The following STARD5 variants were observed in gnomAD, a reference collection of about 807,000 sequenced individuals.
STARD5 encodes the protein StAR related lipid transfer domain containing 5.
A neutral mutation model predicts 24.6 loss-of-function variants in STARD5; 26 were observed. The observed-to-expected ratio is 1.06, with a 90% confidence interval of 0.77 to 1.47. STARD5 has a LOEUF of 1.47. STARD5 is among the 40% of genes most tolerant of loss of function. The pLI is 0.00. For missense variants in STARD5, 254 were observed against 270.8 expected, an observed-to-expected ratio of 0.94 and a Z score of 0.44; for synonymous variants, 101 against 99.7, an observed-to-expected ratio of 1.01 and a Z score of -0.07.
At chr15:81,322,294 A>G (rs576279980) in intron 3 of STARD5, 114 bp downstream of exon 3, 12 of 1,395,956 alleles carry the variant, frequency 8.6e-6, no homozygotes, top group Middle Eastern at 3.7e-4. Flanking sequence ...CTGTGCTTGC[A>G]GGACACACCC....
chr15:81,310,038 T>C lies in STARD5; in HGVS notation c.*3218A>G, dbSNP rs569542306. Reference sequence around the variant, plus strand: ...GCCAAAGGGATATTTGGTTTGGCCATCTCTGGATGCCTGATTGCCAAGCTC... The same window carrying C: ...GCCAAAGGGATATTTGGTTTGGCCACCTCTGGATGCCTGATTGCCAAGCTC... On this transcript the variant is annotated 3_prime_UTR_variant, in exon 6 of 6. Coordinates refer to ENST00000302824, the MANE Select transcript of STARD5 (RefSeq NM_181900.3). 1 of 152,354 alleles carries C rather than the reference T, an allele frequency of 6.6e-6. No homozygotes were observed. Among genetic ancestry groups the C allele is most frequent in the East Asian group, 1.9e-4 (1 of 5,190 alleles). 9.4% of individuals were successfully genotyped at this position (152,354 alleles called of 1,614,324 possible).
intron 1 of STARD5, 178 bp downstream of exon 1, chr15:81,323,823 T>A: frequency 5.4e-6 from 4 of 742,176 alleles, no homozygotes; most frequent in Non-Finnish European, 9.0e-6. Flanking sequence ...ATTGTGAGCA[T>A]AACAGGCCCA....
At position 81,309,191 on chromosome 15, in the gene STARD5, A is replaced by G. The variant is rs2141654953; in HGVS notation, c.*4065T>C. ...CATTTATTTTTCTCATGAATCTGCA[A>G]TGTGGGCAGAGATTGGAATGGGCAG... On this transcript the variant is annotated 3_prime_UTR_variant, in exon 6 of 6. Transcript: ENST00000302824. 5.8e-6 allele frequency: 1 copy of G among 172,282 alleles called. No homozygotes were observed. The highest frequency in any genetic ancestry group is 2.4e-5 in the African/African-American group (1 of 42,122). 10.7% of individuals were successfully genotyped at this position (172,282 alleles called of 1,614,324 possible). A position where few individuals can be genotyped will look rare whatever the true frequency, so the allele number is the denominator to read the frequency against.
intron 5 of STARD5, 59 bp downstream of exon 5, chr15:81,318,350 C>T (rs1273463377): frequency 1.4e-6 from 2 of 1,447,966 alleles, no homozygotes; most frequent in Non-Finnish European, 1.9e-6. Flanking sequence ...ACAGAAGGTC[C>T]ACAGGGAAGT....
Position 81,318,515 on chromosome 15 carries a change from G to A in STARD5, c.401-13C>T. ...TCCACATGGGTGGCTGGAAGACAGT[G>A]CAGAATCTCGGTGAGTTACAACTTC... On this transcript the variant is annotated splice_polypyrimidine_tract_variant and intron_variant, in intron 4 of 5. Transcript: ENST00000302824. The A allele has an allele frequency of 6.2e-7, 1 of 1,612,316 alleles. No individual in the cohort carries two copies. The highest frequency in any genetic ancestry group is 8.5e-7 in the Non-Finnish European group (1 of 1,178,758).
intron 2 of STARD5, 25 bp downstream of exon 2, chr15:81,322,874 A>G (rs1220553805): frequency 6.2e-7 from 1 of 1,614,192 alleles, no homozygotes; most frequent in Non-Finnish European, 8.5e-7. Context: ...ACCTCTGGTA[A>G]TCTTTGAACG....
intron 3 of STARD5, among the ~76,000 whole-genome samples, chr15:81,319,683 G>A (rs1464789945): frequency 6.6e-6 from 1 of 152,218 alleles, no homozygotes; most frequent in Non-Finnish European, 1.5e-5. Context: ...TCTAGCTGCA[G>A]ACCAGTGCCA....
Position 81,313,020 on chromosome 15 carries a change from C to T in STARD5, c.*236G>A, listed in dbSNP as rs1008895842. 10 of 333,660 alleles carry T rather than the reference C, an allele frequency of 3.0e-5. No homozygotes were observed. Among genetic ancestry groups the T allele is most frequent in the Non-Finnish European group, 5.4e-5 (10 of 185,616 alleles). The allele number at this position is 333,660 out of a possible 1,614,324, so 20.7% of individuals were successfully genotyped here. A position where few individuals can be genotyped will look rare whatever the true frequency, so the allele number is the denominator to read the frequency against. On this transcript the variant is annotated 3_prime_UTR_variant, in exon 6 of 6. Coordinates refer to ENST00000302824, the MANE Select transcript of STARD5 (RefSeq NM_181900.3). ...TGCCAGGAGAGGCGTGTTTGGGTAA[C>T]AGGCAGATGGAGTTTGGAACACATG...
rs190994917 is a variant in STARD5 at position 81,322,627 on chromosome 15, G to A, written c.150-87C>T. The A allele has an allele frequency of 7.3e-4, 1,162 of 1,587,710 alleles. 1 individual carries two copies. Among genetic ancestry groups the A allele is most frequent in the Non-Finnish European group, 6.0e-4 (697 of 1,162,416 alleles). The stretch of plus-strand genomic sequence containing the variant: ...ATCTAAGGACTAGAAGGTGGACCAT[G>A]CCATGTCTGTCACTACTCTTTAGGA... On this transcript the variant is annotated intron_variant, in intron 2 of 5. Transcript: ENST00000302824.
intron 1 of STARD5, chr15:81,323,770 C>G: frequency 1.4e-6 from 1 of 715,790 alleles, no homozygotes; most frequent in South Asian, 1.7e-5. Context: ...TGACCTTGGG[C>G]AAGTCACTGA....
In STARD5 at chr15:81,324,106, G is replaced by A. The variant is rs375823762; in HGVS notation, c.-7C>T. ...CTGCCAGCGCCGGGTCCATTGCGTC[G>A]GGAGCTGCGCTTAGCTGCGGGGTCG... On this transcript the variant is annotated 5_prime_UTR_variant, in exon 1 of 6. Transcript: ENST00000302824. 2.8e-6 allele frequency: 4 copies of A among 1,439,804 alleles called. No individual in the cohort carries two copies. The highest frequency in any genetic ancestry group is 2.8e-6 in the Non-Finnish European group (3 of 1,084,120). 89.2% of individuals were successfully genotyped at this position (1,439,804 alleles called of 1,614,324 possible). A position where few individuals can be genotyped will look rare whatever the true frequency, so the allele number is the denominator to read the frequency against.
intron 1 of STARD5, chr15:81,323,235 C>T: frequency 2.2e-6 from 1 of 459,802 alleles, no homozygotes; most frequent in East Asian, 4.0e-5. Flanking sequence ...CAACCCAGGG[C>T]TACTTAATGA....
intron 5 of STARD5, among the ~76,000 whole-genome samples, chr15:81,314,949 C>T (rs1178325699): frequency 7.0e-6 from 1 of 142,680 alleles, no homozygotes; most frequent in Non-Finnish European, 1.5e-5. Context: ...AGAAGGACAA[C>T]TGGGGCATGG....
intron 4 of STARD5, among the ~76,000 whole-genome samples, chr15:81,318,950 G>C (rs1266239612): frequency 1.3e-5 from 2 of 152,206 alleles, no homozygotes; most frequent in African/African-American, 2.4e-5. Flanking sequence ...GCTGTGCAGA[G>C]GCAGGAGCCC....
chr15:81,315,990 G>A lies in STARD5; in HGVS notation c.494+2419C>T, dbSNP rs542903075. Among the ~76,000 whole-genome samples, 64 of 152,224 alleles carry A rather than the reference G, an allele frequency of 4.2e-4. No individual in the cohort carries two copies. The South Asian group carries it at 7.5e-3, about 18-fold the overall frequency. ...CAGAGGAAAGTCCCCAACAGGCTGC[G>A]GCCCCTGCTACCTCATGGGCCGAAT... On this transcript the variant is annotated intron_variant, in intron 5 of 5. Transcript: ENST00000302824.
chr15:81,321,765 G>A (rs1893296057), intron 3 of STARD5, among the ~76,000 whole-genome samples: 1 of 152,114 alleles, frequency 6.6e-6, no homozygotes. Context: ...GGAAATTTGA[G>A]TTCCAGGAAA....
chr15:81,311,878 G>A lies in STARD5; in HGVS notation c.*1378C>T, dbSNP rs766333276. ...GTAGTTGCAATAGAACAGAGAAAGA[G>A]GAAGCTTTCTGTCTCCTTAACACTG... On this transcript the variant is annotated 3_prime_UTR_variant, in exon 6 of 6. Transcript: ENST00000302824. The A allele has an allele frequency of 1.3e-5, 2 of 152,194 alleles. No individual in the cohort carries two copies. Among genetic ancestry groups the A allele is most frequent in the African/African-American group, 2.4e-5 (1 of 41,444 alleles). 9.4% of individuals were successfully genotyped at this position (152,194 alleles called of 1,614,324 possible).
chr15:81,323,756 C>T, intron 1 of STARD5: 1 of 736,048 alleles, frequency 1.4e-6, no homozygotes, highest in East Asian at 2.7e-5. Context: ...ATTCAACAGC[C>T]AGGTGACCTT....
intron 5 of STARD5, among the ~76,000 whole-genome samples, chr15:81,316,231 T>C (rs1901080451): frequency 6.6e-6 from 1 of 152,198 alleles, no homozygotes; most frequent in South Asian, 2.1e-4. Context: ...CACTCACACC[T>C]TTCCCTGGCA....
Sources: allele counts gnomAD v4.1 joint callset (sites outside exome capture counted in the v4.1 genomes callset), GRCh38; gene constraint gnomAD v4.1.1; transcripts MANE v1.5; gene names NCBI Gene and HGNC (gene_info 2026-07-23, HGNC 2026-07-21).